EEF1AKMT2: variants seen among roughly 807,000 people sequenced by gnomAD.
The protein encoded by EEF1AKMT2 is eukaryotic translation elongation factor 1 alpha lysine methyltransferase 2.
In EEF1AKMT2, 32 loss-of-function variants were observed where a neutral mutation model predicts 35.8. That is an observed-to-expected ratio of 0.89 (90% CI 0.67 to 1.20). The LOEUF is 1.20. EEF1AKMT2 is among the 50% of genes most tolerant of loss of function. The pLI, the probability that EEF1AKMT2 is intolerant of heterozygous loss-of-function variation, is 0.00. For missense variants in EEF1AKMT2, 330 were observed against 347.5 expected, an observed-to-expected ratio of 0.95 and a Z score of 0.40; for synonymous variants, 121 against 133.7, an observed-to-expected ratio of 0.91 and a Z score of 0.65.
intron 3 of EEF1AKMT2, among the ~76,000 whole-genome samples, chr10:124,788,709 T>TC (rs1690924485): frequency 3.6e-5 from 4 of 111,422 alleles, no homozygotes; most frequent in Admixed American, 1.1e-4. Context: ...AAAGGTCATC[T>TC]TTATATATAT....
Position 124,760,486 on chromosome 10 carries a change from C to T in EEF1AKMT2, c.*17G>A. 1.2e-6 allele frequency: 2 copies of T among 1,613,724 alleles called. No individual in the cohort carries two copies. Among genetic ancestry groups the T allele is most frequent in the Non-Finnish European group, 1.7e-6 (2 of 1,179,678 alleles). On this transcript the variant is annotated 3_prime_UTR_variant, in exon 7 of 7. Coordinates refer to ENST00000368836, the MANE Select transcript of EEF1AKMT2 (RefSeq NM_212554.4). The stretch of plus-strand genomic sequence containing the variant: ...AAGCTGAACTTGGGTGTTGGTAGCT[C>T]TTCGAGAAGTTCAAATCCTGTCAGA...
chr10:124,791,847 C>CT lies in EEF1AKMT2; in HGVS notation c.-15dup. 1 of 1,557,400 alleles carries CT rather than the reference C, an allele frequency of 6.4e-7. No homozygotes were observed. Among genetic ancestry groups the CT allele is most frequent in the Non-Finnish European group, 8.6e-7 (1 of 1,157,920 alleles). On this transcript the variant is annotated 5_prime_UTR_variant, in exon 1 of 7. Transcript: ENST00000368836. ...GCCCGAGCTCATTTCGCTCCACGTC[C>CT]TGGACGGCCGTTGGGGCCGCCATAG...
At chr10:124,785,563 A>T (rs1950577155) in intron 3 of EEF1AKMT2, among the ~76,000 whole-genome samples, 1 of 152,170 alleles carries the variant, frequency 6.6e-6, no homozygotes, top group Non-Finnish European at 1.5e-5. Flanking sequence ...AATCCAATTT[A>T]AAAATGGGCA....
chr10:124,761,310 G>A (rs1237464306), intron 6 of EEF1AKMT2, among the ~76,000 whole-genome samples: 2 of 152,142 alleles, frequency 1.3e-5, no homozygotes, highest in African/African-American at 4.8e-5. Context: ...TGTAGAAGAT[G>A]AAAAAGTTCT....
At chr10:124,784,974 C>T (rs963649497) in intron 3 of EEF1AKMT2, among the ~76,000 whole-genome samples, 1 of 149,068 alleles carries the variant, frequency 6.7e-6, no homozygotes, top group South Asian at 2.1e-4. Context: ...GTAGGCTGGG[C>T]GCGGTGGCTC....
intron 4 of EEF1AKMT2, among the ~76,000 whole-genome samples, chr10:124,773,701 C>G (rs191808364): frequency 6.6e-6 from 1 of 152,092 alleles, no homozygotes; most frequent in Admixed American, 6.6e-5. Context: ...CATGGCACGC[C>G]AAAACAATTA....
intron 4 of EEF1AKMT2, among the ~76,000 whole-genome samples, chr10:124,774,318 G>A (rs1950467006): frequency 1.5e-5 from 2 of 133,334 alleles, no homozygotes; most frequent in Non-Finnish European, 3.1e-5. Context: ...AGTAAGCCGA[G>A]ATGGCGCCAC....
chr10:124,767,618 G>A (rs1487188260), intron 4 of EEF1AKMT2, among the ~76,000 whole-genome samples: 1 of 151,822 alleles, frequency 6.6e-6, no homozygotes, highest in South Asian at 2.1e-4. Flanking sequence ...TTCAGATAAA[G>A]TGCCATGAAG....
chr10:124,787,877 TTC>T (rs1459768376), intron 3 of EEF1AKMT2, among the ~76,000 whole-genome samples: 1 of 152,224 alleles, frequency 6.6e-6, no homozygotes, highest in African/African-American at 2.4e-5. Context: ...AGCTGTATAC[TTC>T]TGATTTGTGC....
chr10:124,786,460 C>G lies in EEF1AKMT2; in HGVS notation c.291+2583G>C, dbSNP rs536842255. Among the ~76,000 whole-genome samples the G allele has an allele frequency of 2.0e-5, 3 of 150,324 alleles. No individual in the cohort carries two copies. The Admixed American group carries it at 2.0e-4, about 10-fold the overall frequency. Reference sequence around the variant, plus strand: ...GGCGGAGCTTGCAGTGAGCCGAGATCGCCCCACTGCACTCCAGCCTGGGGG... The same window carrying G: ...GGCGGAGCTTGCAGTGAGCCGAGATGGCCCCACTGCACTCCAGCCTGGGGG... On this transcript the variant is annotated intron_variant, in intron 3 of 6. Coordinates refer to ENST00000368836, the MANE Select transcript of EEF1AKMT2 (RefSeq NM_212554.4).
intron 4 of EEF1AKMT2, among the ~76,000 whole-genome samples, chr10:124,771,555 C>T (rs779827661): frequency 2.0e-5 from 3 of 152,006 alleles, no homozygotes; most frequent in Non-Finnish European, 4.4e-5. Context: ...CAGAACAGAT[C>T]CTGTGTTAAC....
At chr10:124,769,380 C>G (rs1174550176) in intron 4 of EEF1AKMT2, among the ~76,000 whole-genome samples, 2 of 151,296 alleles carry the variant, frequency 1.3e-5, no homozygotes. Context: ...ACGGGAAAGA[C>G]TGGGGAAATC....
In EEF1AKMT2 at chr10:124,774,662, AAAT is replaced by A. The variant is rs1221097385; in HGVS notation, c.399+10_399+12del. ...TCTATTGTAAATATTATAGTAATAT[AAAT>A]AATAGTTACCTTTAACTTAATGTTA... is the stretch of plus-strand genomic sequence containing the variant. On this transcript the variant is annotated intron_variant, in intron 4 of 6. Transcript: ENST00000368836. 8 of 1,274,140 alleles carry A rather than the reference AAAT, an allele frequency of 6.3e-6. No homozygotes were observed. Among genetic ancestry groups the A allele is most frequent in the Middle Eastern group, 2.6e-4 (1 of 3,808 alleles). The allele number at this position is 1,274,140 out of a possible 1,614,324, so 78.9% of individuals were successfully genotyped here.
At chr10:124,779,837 T>A (rs953157418) in intron 3 of EEF1AKMT2, among the ~76,000 whole-genome samples, 1 of 135,398 alleles carries the variant, frequency 7.4e-6, no homozygotes, top group African/African-American at 2.8e-5. Context: ...CCAAGGTGGG[T>A]GGATCCTGAG....
At chr10:124,770,293 T>G (rs1950419494) in intron 4 of EEF1AKMT2, among the ~76,000 whole-genome samples, 1 of 152,098 alleles carries the variant, frequency 6.6e-6, no homozygotes, top group Admixed American at 6.5e-5. Flanking sequence ...GGCGGGTGCC[T>G]GTAGTCCCAG....
downstream of EEF1AKMT2, among the ~76,000 whole-genome samples, chr10:124,756,815 A>G (rs1421276430): frequency 1.3e-5 from 2 of 152,174 alleles, no homozygotes; most frequent in East Asian, 3.9e-4. Flanking sequence ...GTTGAGTTTC[A>G]TTTCTATGCC....
rs1354050577 is a variant in EEF1AKMT2, at chr10:124,791,842, A to G, written c.-9T>C. 31 of 1,560,496 alleles carry G rather than the reference A, an allele frequency of 2.0e-5. No homozygotes were observed. The highest frequency in any genetic ancestry group is 2.7e-5 in the Non-Finnish European group (31 of 1,159,518). On this transcript the variant is annotated 5_prime_UTR_variant, in exon 1 of 7. Coordinates refer to ENST00000368836, the MANE Select transcript of EEF1AKMT2 (RefSeq NM_212554.4). ...TCAGCGCCCGAGCTCATTTCGCTCC[A>G]CGTCCTGGACGGCCGTTGGGGCCGC...
chr10:124,786,409 G>A (rs571239021), intron 3 of EEF1AKMT2, among the ~76,000 whole-genome samples: 2 of 152,192 alleles, frequency 1.3e-5, no homozygotes, highest in South Asian at 4.1e-4. Flanking sequence ...AGGAGGCTGA[G>A]GCAGGAAAAT....
At chr10:124,756,890 T>C (rs1003011249), downstream of EEF1AKMT2, among the ~76,000 whole-genome samples, 3 of 152,192 alleles carry the variant, frequency 2.0e-5, no homozygotes, top group African/African-American at 4.8e-5. Context: ...TTCTAACAAA[T>C]TGCATGGTGT....
Sources: gnomAD v4.1 joint callset for allele counts (sites outside exome capture counted in the v4.1 genomes callset) on GRCh38, gnomAD v4.1.1 for gene constraint, MANE v1.5 for transcripts, NCBI Gene and HGNC (gene_info 2026-07-23, HGNC 2026-07-21) for gene names.